MGRN1: variants seen among roughly 807,000 people sequenced by gnomAD.
MGRN1 encodes E3 ubiquitin-protein ligase MGRN1.
MGRN1 carries 29 observed loss-of-function variants against 69.2 expected under a neutral mutation model. The observed-to-expected ratio is 0.42, with a 90% CI of 0.31 to 0.57. The LOEUF (loss-of-function observed/expected upper bound fraction) is 0.57, where lower values mean the gene tolerates loss of function less well. MGRN1 is among the 20% of genes least tolerant of loss of function. MGRN1 has a pLI of 0.15. For synonymous variants in MGRN1, 470 were observed against 344.2 expected (o/e 1.37, Z -4.04); for missense variants, 998 against 796.2 (o/e 1.25, Z -3.05).
At chr16:4,673,770 G>C in intron 10 of MGRN1, 113 bp downstream of exon 10, 1 of 1,339,550 alleles carries the variant, frequency 7.5e-7, no homozygotes, top group Non-Finnish European at 1.0e-6. Context: ...AGAAAGAAGA[G>C]TTGTCATTCA....
At chr16:4,688,329 C>G in intron 16 of MGRN1, 2 of 988,714 alleles carry the variant, frequency 2.0e-6, no homozygotes, top group South Asian at 4.7e-5. Flanking sequence ...CTTTGCCTTG[C>G]AGTAGCCATC....
chr16:4,679,113 A>C (rs531384632), intron 11 of MGRN1, among the ~76,000 whole-genome samples: 32 of 152,190 alleles, frequency 2.1e-4, no homozygotes, highest in African/African-American at 6.0e-4. Flanking sequence ...AGCACTTTTG[A>C]TGTTGGCTTT....
At chr16:4,682,425 C>G (rs745870929) in intron 13 of MGRN1, among the ~76,000 whole-genome samples, 37 of 152,298 alleles carry the variant, frequency 2.4e-4, no homozygotes, top group African/African-American at 6.7e-4. Context: ...AGAAGAGTGT[C>G]AGGAAGGCGC....
intron 8 of MGRN1, among the ~76,000 whole-genome samples, chr16:4,668,958 ACACT>A (rs1400916809): frequency 6.6e-6 from 1 of 151,992 alleles, no homozygotes; most frequent in Non-Finnish European, 1.5e-5. Context: ...ATACATAGAC[ACACT>A]CATACAATCA....
rs903983331 is a variant in MGRN1, at chr16:4,689,135, G to C, written c.*227G>C. On this transcript the variant is annotated 3_prime_UTR_variant, in exon 17 of 17. Coordinates refer to ENST00000262370, the MANE Select transcript of MGRN1 (RefSeq NM_015246.4). ...AACTGGTACAAGATGAAGGACAGCAGCTTTCCATCCCTAGTTCAGAGCCCC... is the reference window on the plus strand; with the variant it reads ...AACTGGTACAAGATGAAGGACAGCACCTTTCCATCCCTAGTTCAGAGCCCC... 1.7e-6 allele frequency: 1 copy of C among 574,868 alleles called. No individual in the cohort carries two copies. The highest frequency in any genetic ancestry group is 3.2e-5 in the East Asian group (1 of 30,878). The allele number at this position is 574,868 out of a possible 1,614,324, so 35.6% of individuals were successfully genotyped here.
chr16:4,662,393 A>G (rs953968057), intron 5 of MGRN1, among the ~76,000 whole-genome samples: 1 of 151,854 alleles, frequency 6.6e-6, no homozygotes, highest in African/African-American at 2.4e-5. Context: ...GCGGGCGCCT[A>G]TAATCCCAGT....
At chr16:4,630,551 G>A (rs1304165283) in intron 1 of MGRN1, among the ~76,000 whole-genome samples, 4 of 151,466 alleles carry the variant, frequency 2.6e-5, no homozygotes, top group African/African-American at 7.3e-5. Context: ...GGGTTCCAGC[G>A]ATTCTTCTAC....
Position 4,679,488 on chromosome 16 carries a change from C to T in MGRN1, c.1066-544C>T, listed in dbSNP as rs547741833. On this transcript the variant is annotated intron_variant, in intron 11 of 16. Transcript: ENST00000262370. ...CAGGTTCCTGTTGGAGCCCCTTCCA[C>T]GTAGTGACAGAAAGAGCCACCGTGG... Among the ~76,000 whole-genome samples, 21 of 146,120 alleles carry T rather than the reference C, an allele frequency of 1.4e-4. No homozygotes were observed. In the East Asian group the frequency reaches 4.2e-3, roughly 29 times the overall value.
intron 5 of MGRN1, among the ~76,000 whole-genome samples, chr16:4,661,888 C>T (rs1596295316): frequency 1.3e-5 from 2 of 152,224 alleles, no homozygotes; most frequent in African/African-American, 4.8e-5. Flanking sequence ...TTACGTGTGC[C>T]ATTCATTCTG....
chr16:4,688,578 G>A, intron 16 of MGRN1: 1 of 1,298,404 alleles, frequency 7.7e-7, no homozygotes, highest in Non-Finnish European at 9.8e-7. Flanking sequence ...GGGGATCTGG[G>A]ATCGTCTGTC....
At chr16:4,645,367 C>A (rs2078252898) in intron 1 of MGRN1, among the ~76,000 whole-genome samples, 3 of 152,164 alleles carry the variant, frequency 2.0e-5, no homozygotes, top group African/African-American at 7.2e-5. Context: ...CAGCGTCTCC[C>A]TATGTTGCCC....
rs775904616 is a variant in MGRN1, at chr16:4,664,760, G to C, written c.613G>C (p.Val205Leu). 6.2e-7 allele frequency: 1 copy of C among 1,614,246 alleles called. No individual in the cohort carries two copies. Among genetic ancestry groups the C allele is most frequent in the South Asian group, 1.1e-5 (1 of 91,090 alleles). The change falls in exon 6 of 17, where the codon GTG (valine) becomes CTG (leucine). Residue 205 changes from valine (V) to leucine (L), a missense_variant. By Grantham distance (32) the Val-to-Leu change is conservative. Coordinates refer to ENST00000262370, the MANE Select transcript of MGRN1 (RefSeq NM_015246.4). ...GTTTCCAGTAGTCATCCAGGCTGTGGTGGACGAAGGAGATGGTGAGTGCGT... is the reference window on the plus strand; with the variant it reads ...GTTTCCAGTAGTCATCCAGGCTGTGCTGGACGAAGGAGATGGTGAGTGCGT... ...GVFPVVIQAVVDEGDVVEVTG... is the reference protein window; with the variant it reads ...GVFPVVIQAVLDEGDVVEVTG...
rs114348993 is a variant in MGRN1 at position 4,675,650 on chromosome 16, G to C, written c.956-1813G>C. ...GAAGGCTGAGGCGGGAGGATCGGCT[G>C]AGCCTGGGAGGTTGAGGGTGCAGTG... is the stretch of plus-strand genomic sequence containing the variant. On this transcript the variant is annotated intron_variant, in intron 10 of 16. Transcript: ENST00000262370. Among the ~76,000 whole-genome samples, 500 of 151,884 alleles carry C rather than the reference G, an allele frequency of 3.3e-3. 2 individuals carry two copies. Among genetic ancestry groups the C allele is most frequent in the African/African-American group, 0.012 (479 of 41,390 alleles).
At chr16:4,627,639 T>A (rs901061829) in intron 1 of MGRN1, among the ~76,000 whole-genome samples, 1 of 149,482 alleles carries the variant, frequency 6.7e-6, no homozygotes. Context: ...TACAAAAAAA[T>A]TTAGCCGGGC....
intron 11 of MGRN1, among the ~76,000 whole-genome samples, chr16:4,677,900 C>T (rs1366188598): frequency 6.6e-6 from 1 of 151,042 alleles, no homozygotes; most frequent in African/African-American, 2.4e-5. Context: ...TGGTGTGCAC[C>T]CAAAGTGGTG....
At chr16:4,684,218 AGAGAGGCTGCCTGT>A (rs2079255404) in intron 16 of MGRN1, among the ~76,000 whole-genome samples, 1 of 152,342 alleles carries the variant, frequency 6.6e-6, no homozygotes, top group Admixed American at 6.5e-5. Context: ...GAGAGACGCG[AGAGAGGCTGCCTGT>A]GAGAGGATGG....
chr16:4,682,951 G>GGCCCCCCCGGGGAAGCTTTGCGC lies in MGRN1; in HGVS notation c.1482+6_1482+28dup. On this transcript the variant is annotated splice_donor_region_variant and intron_variant, in intron 14 of 16. Transcript: ENST00000262370. Reference sequence around the variant, plus strand: ...CGGGAAAGCAGCTCCCCTGAGGTGAGGCCCCCCCGGGGAAGCTTTGCGCAC... The same window carrying GGCCCCCCCGGGGAAGCTTTGCGC: ...CGGGAAAGCAGCTCCCCTGAGGTGAGGCCCCCCCGGGGAAGCTTTGCGCGCCCCCCCGGGGAAGCTTTGCGCAC... The GGCCCCCCCGGGGAAGCTTTGCGC allele has an allele frequency of 6.4e-7, 1 of 1,554,060 alleles. No homozygotes were observed.
chr16:4,646,564 C>T (rs1370343861), intron 1 of MGRN1, among the ~76,000 whole-genome samples: 2 of 152,162 alleles, frequency 1.3e-5, no homozygotes, highest in Non-Finnish European at 2.9e-5. Flanking sequence ...GGGACCTCTC[C>T]ATGGGGCTGC....
chr16:4,654,282 C>G (rs957495711), intron 4 of MGRN1, among the ~76,000 whole-genome samples: 2 of 152,212 alleles, frequency 1.3e-5, no homozygotes. Context: ...CCTAGCACCC[C>G]TGTTGCTGAG....
Sources: allele counts gnomAD v4.1 joint callset (sites outside exome capture counted in the v4.1 genomes callset), GRCh38; gene constraint gnomAD v4.1.1; transcripts MANE v1.5; gene names NCBI Gene and HGNC (gene_info 2026-07-23, HGNC 2026-07-21).